The following ING5 variants were observed in gnomAD, a reference collection of about 807,000 sequenced individuals.
ING5 encodes inhibitor of growth protein 5.
Under a neutral mutation model 37.4 loss-of-function variants are expected in ING5, and 17 were observed. The ratio of observed to expected loss-of-function variants is 0.45; its 90% CI spans 0.31 to 0.68. ING5 has a LOEUF of 0.68. Among genes scored for constraint, ING5 ranks in the 30% least tolerant of loss-of-function variants. The probability of loss-of-function intolerance (pLI) is 0.05; values close to 1 mark genes in which losing one functional copy is unlikely to be tolerated. For synonymous variants in ING5, 123 were observed against 116.6 expected, an observed-to-expected ratio of 1.06 and a Z score of -0.36; for missense variants, 233 against 311.9, an observed-to-expected ratio of 0.75 and a Z score of 1.91.
intron 5 of ING5, chr2:241,720,512 G>A (rs953274325): frequency 1.0e-6 from 1 of 996,006 alleles, no homozygotes; most frequent in African/African-American, 1.7e-5. Flanking sequence ...CACTGTTGCT[G>A]CCCTGTGGCC....
intron 5 of ING5, among the ~76,000 whole-genome samples, chr2:241,719,049 C>T (rs1314457241): frequency 6.6e-6 from 1 of 152,212 alleles, no homozygotes; most frequent in Non-Finnish European, 1.5e-5. Flanking sequence ...GGGCCTGGGG[C>T]GGGGCAGGGT....
In ING5 at chr2:241,702,046, G is replaced by C. The variant is rs1423474929; in HGVS notation, c.-20G>C. 3.6e-6 allele frequency: 5 copies of C among 1,378,500 alleles called. No homozygotes were observed. The highest frequency in any genetic ancestry group is 4.7e-6 in the Non-Finnish European group (5 of 1,061,170). The allele number at this position is 1,378,500 out of a possible 1,614,324, so 85.4% of individuals were successfully genotyped here. On this transcript the variant is annotated 5_prime_UTR_variant, in exon 1 of 8. Coordinates refer to ENST00000313552, the MANE Select transcript of ING5 (RefSeq NM_032329.6). ...GGCACCGCCCGCCCGCGCAGACCCC[G>C]AGCGCGGCCGCGGACGAAGATGGCG...
At chr2:241,695,065 C>T (rs2069612984) in intron 2 of ING5, among the ~76,000 whole-genome samples, 1 of 149,730 alleles carries the variant, frequency 6.7e-6, no homozygotes, top group Admixed American at 6.7e-5. Context: ...GCTCCTCCTC[C>T]CACTGTTAGT....
At chr2:241,692,391 C>T (rs1378755546) in intron 2 of ING5, among the ~76,000 whole-genome samples, 1 of 151,864 alleles carries the variant, frequency 6.6e-6, no homozygotes, top group African/African-American at 2.4e-5. Flanking sequence ...TCACTGCAGC[C>T]TTGAGGTTCT....
At chr2:241,697,434 CAAA>C (rs1189871969), upstream of ING5, among the ~76,000 whole-genome samples, 239 of 69,584 alleles carry the variant, frequency 3.4e-3, no homozygotes, top group South Asian at 0.011. Flanking sequence ...GACTCTGTCT[CAAA>C]AAAAAAAAAA....
At chr2:241,719,521 C>T (rs972255237) in intron 5 of ING5, 15 of 1,533,984 alleles carry the variant, frequency 9.8e-6, no homozygotes, top group Admixed American at 3.9e-5. Flanking sequence ...CCTTCCTGCT[C>T]GGAACCTGAA....
At chr2:241,699,713 C>T (rs1450152290), upstream of ING5, among the ~76,000 whole-genome samples, 3 of 152,072 alleles carry the variant, frequency 2.0e-5, no homozygotes, top group Non-Finnish European at 4.4e-5. Flanking sequence ...GGGGCCTACA[C>T]GTTACATCTA....
rs774566608 is a variant in ING5, at chr2:241,705,394, C to CT, written c.109+691dup. ...CGCCTGGCCCTAACTCTGTTTTTTTCTTTTTTTTTTTTTTTTTTTTTGAGA... is the reference window on the plus strand; with the variant it reads ...CGCCTGGCCCTAACTCTGTTTTTTTCTTTTTTTTTTTTTTTTTTTTTTGAGA... On this transcript the variant is annotated intron_variant, in intron 2 of 7. Coordinates refer to ENST00000313552, the MANE Select transcript of ING5 (RefSeq NM_032329.6). Among the ~76,000 whole-genome samples, 1,011 of 117,256 alleles carry CT rather than the reference C, an allele frequency of 8.6e-3. 19 individuals are homozygous for CT. The highest frequency in any genetic ancestry group is 0.011 in the African/African-American group (331 of 31,176). The allele number at this position is 117,256 out of a possible 152,430, so 76.9% of individuals were successfully genotyped here.
At position 241,721,822 on chromosome 2, in the gene ING5, A is replaced by T. The variant is rs528796249; in HGVS notation, c.483-1117A>T. 4.5e-5 allele frequency: 44 copies of T among 985,524 alleles called. 1 individual carries two copies. The South Asian group carries it at 2.0e-3, about 44-fold the overall frequency. The allele number at this position is 985,524 out of a possible 1,614,324, so 61.0% of individuals were successfully genotyped here. On this transcript the variant is annotated intron_variant, in intron 5 of 7. Coordinates refer to ENST00000313552, the MANE Select transcript of ING5 (RefSeq NM_032329.6). ...TTTCCCCCTAAGTGCATCCCTTTCA[A>T]ACAGGAAAGTCTCCACCTGAGGTCT...
At chr2:241,701,512 TC>T (rs1157782722), upstream of ING5, among the ~76,000 whole-genome samples, 2 of 152,070 alleles carry the variant, frequency 1.3e-5, no homozygotes, top group Non-Finnish European at 2.9e-5. Flanking sequence ...GAGGGGCAGC[TC>T]GCCCGGGCCA....
intron 2 of ING5, among the ~76,000 whole-genome samples, chr2:241,706,096 C>T (rs1441429155): frequency 6.6e-6 from 1 of 152,084 alleles, no homozygotes; most frequent in Non-Finnish European, 1.5e-5. Context: ...GGCTGTCTAC[C>T]CTGACAGTTC....
exon 1 of ING5, chr2:241,687,156 C>T (rs2069447898): frequency 7.7e-6 from 3 of 391,048 alleles, no homozygotes; most frequent in Non-Finnish European, 1.4e-5. Context: ...GAGGGGCTCC[C>T]GGACGCTGCC....
chr2:241,692,410 G>C (rs1421501582), intron 2 of ING5, among the ~76,000 whole-genome samples: 1 of 151,758 alleles, frequency 6.6e-6, no homozygotes, highest in African/African-American at 2.4e-5. Flanking sequence ...CTGGTCTCGA[G>C]TGATCCTCCT....
At chr2:241,724,790 A>C in intron 7 of ING5, 199 bp from the exon 8 acceptor site, 1 of 593,140 alleles carries the variant, frequency 1.7e-6, no homozygotes, top group Non-Finnish European at 3.0e-6. Flanking sequence ...TCAGCTTCAG[A>C]ACCGGCGTCC....
chr2:241,721,670 G>T, intron 5 of ING5: 1 of 985,240 alleles, frequency 1.0e-6, no homozygotes, highest in Non-Finnish European at 1.2e-6. Context: ...ATACCAACTA[G>T]ATATTCGTGG....
At chr2:241,701,253 C>T (rs2069718548), upstream of ING5, among the ~76,000 whole-genome samples, 1 of 152,210 alleles carries the variant, frequency 6.6e-6, no homozygotes, top group Non-Finnish European at 1.5e-5. Context: ...CGTGCGCCAG[C>T]GCGCCGGCCT....
rs573956369 is a variant in ING5, at chr2:241,715,401, G to A, written c.482+3330G>A. On this transcript the variant is annotated intron_variant, in intron 5 of 7. Transcript: ENST00000313552. Reference sequence around the variant, plus strand: ...GGTAGAGATGGAGTTTCACCATGTTGCCCAGGGTGGTCTTAAACTCCTGAG... The same window carrying A: ...GGTAGAGATGGAGTTTCACCATGTTACCCAGGGTGGTCTTAAACTCCTGAG... 3.5e-3 allele frequency among the ~76,000 whole-genome samples: 527 copies of A among 150,922 alleles called. 4 individuals carry two copies. The highest frequency in any genetic ancestry group is 6.0e-3 in the Non-Finnish European group (410 of 67,886).
Position 241,725,138 on chromosome 2 carries a change from A to T in ING5, c.*107A>T. 8.4e-7 allele frequency: 1 copy of T among 1,197,054 alleles called. No homozygotes were observed. Among genetic ancestry groups the T allele is most frequent in the Non-Finnish European group, 1.2e-6 (1 of 810,130 alleles). The allele number at this position is 1,197,054 out of a possible 1,614,324, so 74.2% of individuals were successfully genotyped here. On this transcript the variant is annotated 3_prime_UTR_variant, in exon 8 of 8. Coordinates refer to ENST00000313552, the MANE Select transcript of ING5 (RefSeq NM_032329.6). Reference sequence around the variant, plus strand: ...TACCTTGTTCGGTTGATACTTAGTAACTCCGTGGCCAGTTGAAGCGCTGGA... The same window carrying T: ...TACCTTGTTCGGTTGATACTTAGTATCTCCGTGGCCAGTTGAAGCGCTGGA...
At chr2:241,698,595 A>C (rs1575117018), upstream of ING5, among the ~76,000 whole-genome samples, 1 of 152,078 alleles carries the variant, frequency 6.6e-6, no homozygotes, top group East Asian at 1.9e-4. Context: ...CCTAAAACTG[A>C]TGGAAAAATA....
Sources: allele counts gnomAD v4.1 joint callset (sites outside exome capture counted in the v4.1 genomes callset), GRCh38; gene constraint gnomAD v4.1.1; transcripts MANE v1.5; gene names NCBI Gene and HGNC (gene_info 2026-07-23, HGNC 2026-07-21).